Variants in EIF4G3 observed in about 807,000 individuals in gnomAD.
EIF4G3 encodes eukaryotic translation initiation factor 4 gamma 3.
In EIF4G3, 34 loss-of-function variants were observed where a neutral mutation model predicts 186.4. The ratio of observed to expected loss-of-function variants is 0.18; its 90% CI spans 0.14 to 0.24. The LOEUF (loss-of-function observed/expected upper bound fraction) is 0.24. Ranked by LOEUF, EIF4G3 falls within the 10% of genes least tolerant of loss-of-function variation. The pLI is 1.00. For synonymous variants in EIF4G3, 673 were observed against 679.5 expected (o/e 0.99, Z 0.15); for missense variants, 1,536 against 1,948.5 (o/e 0.79, Z 3.99).
chr1:21,083,390 C>T (rs1224374082), intron 3 of EIF4G3, among the ~76,000 whole-genome samples: 1 of 152,012 alleles, frequency 6.6e-6, no homozygotes, highest in Non-Finnish European at 1.5e-5. Context: ...GTCGCCCAGG[C>T]TGGTCTCAAG....
chr1:20,955,944 T>C (rs766054983), intron 12 of EIF4G3, among the ~76,000 whole-genome samples: 3 of 152,196 alleles, frequency 2.0e-5, no homozygotes, highest in East Asian at 1.9e-4. Context: ...AAGTCAAAAA[T>C]TGGGTATCTA....
chr1:20,860,806 A>G (rs2076160701), intron 23 of EIF4G3, among the ~76,000 whole-genome samples: 1 of 152,236 alleles, frequency 6.6e-6, no homozygotes, highest in South Asian at 2.1e-4. Context: ...ATTTTTAAGC[A>G]TGGCATATAT....
intron 4 of EIF4G3, among the ~76,000 whole-genome samples, chr1:21,027,589 C>T (rs1423285400): frequency 3.3e-5 from 5 of 151,856 alleles, no homozygotes; most frequent in Non-Finnish European, 7.4e-5. Context: ...GAGATCGCCC[C>T]ACTGCACTTC....
chr1:20,815,788 AG>A (rs553227092), intron 34 of EIF4G3, among the ~76,000 whole-genome samples: 2,546 of 122,972 alleles, frequency 0.021, 51 homozygotes, highest in African/African-American at 0.077. Flanking sequence ...TGGGGGGGTC[AG>A]CCCCCCACCC....
At chr1:21,047,083 T>G (rs1571633190) in intron 4 of EIF4G3, among the ~76,000 whole-genome samples, 1 of 152,290 alleles carries the variant, frequency 6.6e-6, no homozygotes, top group East Asian at 1.9e-4. Flanking sequence ...CCAGAGATAT[T>G]AAATAATTTA....
In EIF4G3 at chr1:21,049,179, A is replaced by G. The variant is rs560082115; in HGVS notation, c.-67+1687T>C. On this transcript the variant is annotated intron_variant, in intron 4 of 36. Transcript: ENST00000602326. ...GGTGCTGGAGAAGAAAGCTTTCCCC[A>G]ATACTTCATAGGGCACATTTCCAGC... Among the ~76,000 whole-genome samples, 4 of 152,262 alleles carry G rather than the reference A, an allele frequency of 2.6e-5. No individual in the cohort carries two copies. In the East Asian group the frequency reaches 7.7e-4, roughly 29 times the overall value.
chr1:21,026,275 A>C (rs2092072897), intron 4 of EIF4G3, among the ~76,000 whole-genome samples: 1 of 152,222 alleles, frequency 6.6e-6, no homozygotes, highest in Non-Finnish European at 1.5e-5. Context: ...TGAAAAGGGT[A>C]CCAAAACCAT....
At chr1:20,966,385 G>A (rs1262400586) in intron 12 of EIF4G3, among the ~76,000 whole-genome samples, 2 of 151,884 alleles carry the variant, frequency 1.3e-5, no homozygotes, top group Non-Finnish European at 2.9e-5. Flanking sequence ...TTGCTATTTT[G>A]TTAAGGAAAT....
In EIF4G3 at chr1:20,927,864, T is replaced by C. The variant is rs78858920; in HGVS notation, c.1663+13627A>G. Among the ~76,000 whole-genome samples the C allele has an allele frequency of 8.8e-3, 1,337 of 152,252 alleles. 77 individuals are homozygous for C. In the East Asian group the frequency reaches 0.19, roughly 22 times the overall value. On this transcript the variant is annotated intron_variant, in intron 14 of 36. Coordinates refer to ENST00000602326, the MANE Select transcript of EIF4G3 (RefSeq NM_001391906.1). ...TAGAATGATTGCTACAGGTGTTTTT[T>C]GTTTTGTTTTTTTGACAGGGTCTTA...
intron 20 of EIF4G3, among the ~76,000 whole-genome samples, chr1:20,871,772 G>T (rs3890762): frequency 3.3e-5 from 5 of 151,850 alleles, no homozygotes; most frequent in African/African-American, 1.2e-4. Flanking sequence ...ACACTGGCCC[G>T]TGGACATGTC....
rs147519276 is a variant in EIF4G3, at chr1:21,054,958, C to T, written c.-195-3964G>A. 7.4e-3 allele frequency among the ~76,000 whole-genome samples: 1,122 copies of T among 152,168 alleles called. 4 individuals carry two copies. The highest frequency in any genetic ancestry group is 0.014 in the Middle Eastern group (4 of 294). On this transcript the variant is annotated intron_variant, in intron 3 of 36. Coordinates refer to ENST00000602326, the MANE Select transcript of EIF4G3 (RefSeq NM_001391906.1). ...AGTTTCATCCTTGTTTTTTAAATAA[C>T]TTTGATTATGATTTTCTTGGGAAAA...
At chr1:21,113,892 T>C (rs879591562) in intron 2 of EIF4G3, among the ~76,000 whole-genome samples, 1 of 152,178 alleles carries the variant, frequency 6.6e-6, no homozygotes, top group Non-Finnish European at 1.5e-5. Context: ...GGCACATGCC[T>C]GTATTCCCAG....
At chr1:20,970,175 A>G (rs1252602392) in intron 11 of EIF4G3, among the ~76,000 whole-genome samples, 1 of 152,166 alleles carries the variant, frequency 6.6e-6, no homozygotes, top group Non-Finnish European at 1.5e-5. Context: ...TTCTTTACCA[A>G]AATAAAAAAT....
At chr1:20,865,388 C>A in intron 20 of EIF4G3, 126 bp from the exon 21 acceptor site, 1 of 960,926 alleles carries the variant, frequency 1.0e-6, no homozygotes, top group South Asian at 1.8e-5. Flanking sequence ...AAGAGGCAAA[C>A]AATATAGCTT....
intron 4 of EIF4G3, among the ~76,000 whole-genome samples, chr1:21,032,795 GA>G (rs2092854380): frequency 6.6e-6 from 1 of 151,986 alleles, no homozygotes; most frequent in Admixed American, 6.6e-5. Flanking sequence ...AAAACGGAGT[GA>G]AAAAAGGGAG....
At chr1:20,915,767 G>A (rs1057149406) in intron 14 of EIF4G3, among the ~76,000 whole-genome samples, 8 of 152,064 alleles carry the variant, frequency 5.3e-5, no homozygotes, top group Non-Finnish European at 7.4e-5. Flanking sequence ...CATACTTAAC[G>A]GTAAAAGATT....
chr1:20,896,016 T>C (rs1303286414), intron 16 of EIF4G3, among the ~76,000 whole-genome samples: 1 of 152,196 alleles, frequency 6.6e-6, no homozygotes, highest in Non-Finnish European at 1.5e-5. Context: ...AGACAAGATC[T>C]GGAAGTAGAA....
intron 33 of EIF4G3, among the ~76,000 whole-genome samples, chr1:20,821,734 A>G (rs1284630821): frequency 1.3e-5 from 2 of 149,016 alleles, no homozygotes; most frequent in Non-Finnish European, 2.9e-5. Context: ...TATTATGTAT[A>G]CTTCACCATC....
intron 2 of EIF4G3, among the ~76,000 whole-genome samples, chr1:21,096,425 A>G (rs1038148511): frequency 1.3e-5 from 2 of 152,214 alleles, no homozygotes; most frequent in Non-Finnish European, 2.9e-5. Context: ...TGGGTACAAC[A>G]TATGTTTTTC....
Sources: gnomAD v4.1 joint callset for allele counts (sites outside exome capture counted in the v4.1 genomes callset) on GRCh38, gnomAD v4.1.1 for gene constraint, MANE v1.5 for transcripts, NCBI Gene and HGNC (gene_info 2026-07-23, HGNC 2026-07-21) for gene names.